RAD51B: variants seen among roughly 807,000 people sequenced by gnomAD.
The protein encoded by RAD51B is DNA repair protein RAD51 homolog 2.
A neutral mutation model predicts 42.2 loss-of-function variants in RAD51B; 38 were observed. The ratio of observed to expected loss-of-function variants is 0.90; its 90% CI spans 0.70 to 1.18. RAD51B has a LOEUF of 1.18. Among genes scored for constraint, RAD51B ranks in the 50% most tolerant of loss-of-function variants. The pLI is 0.00. For missense variants in RAD51B, 373 were observed against 400.7 expected (o/e 0.93, Z 0.59); for synonymous variants, 154 against 145.2 (o/e 1.06, Z -0.43).
chr14:68,569,772 G>T (rs1041039924), intron 10 of RAD51B, among the ~76,000 whole-genome samples: 3 of 152,202 alleles, frequency 2.0e-5, no homozygotes, highest in East Asian at 1.9e-4. Flanking sequence ...CGGGCCTGAA[G>T]CAGCCTGCAT....
intron 8 of RAD51B, among the ~76,000 whole-genome samples, chr14:68,369,225 CT>C (rs1432019061): frequency 6.6e-6 from 1 of 152,220 alleles, no homozygotes; most frequent in Admixed American, 6.5e-5. Flanking sequence ...ATAAAAGTTA[CT>C]TACGGCAAAA....
chr14:67,962,070 A>T (rs1478487232), intron 7 of RAD51B, among the ~76,000 whole-genome samples: 2 of 152,210 alleles, frequency 1.3e-5, no homozygotes, highest in African/African-American at 4.8e-5. Context: ...GAACACCTCT[A>T]TTGCAAAACT....
intron 10 of RAD51B, among the ~76,000 whole-genome samples, chr14:68,529,816 A>G (rs1358491197): frequency 1.3e-5 from 2 of 152,252 alleles, no homozygotes; most frequent in African/African-American, 4.8e-5. Context: ...AAATAATGGA[A>G]CAATCTGACT....
intron 8 of RAD51B, among the ~76,000 whole-genome samples, chr14:68,343,192 A>G (rs1460658415): frequency 1.3e-5 from 2 of 152,196 alleles, no homozygotes; most frequent in African/African-American, 2.4e-5. Flanking sequence ...TACAGTACAT[A>G]ATTATTCACT....
chr14:68,234,469 G>A (rs568028143), intron 7 of RAD51B, among the ~76,000 whole-genome samples: 2 of 152,184 alleles, frequency 1.3e-5, no homozygotes, highest in South Asian at 2.1e-4. Context: ...AAACATCATC[G>A]AGTGCACTTA....
At chr14:68,284,635 A>G (rs2081380148) in intron 7 of RAD51B, among the ~76,000 whole-genome samples, 1 of 152,236 alleles carries the variant, frequency 6.6e-6, no homozygotes, top group African/African-American at 2.4e-5. Context: ...CCAGAAAACA[A>G]TTGTTGTGCA....
chr14:68,213,476 A>C (rs561249958), intron 7 of RAD51B, among the ~76,000 whole-genome samples: 1 of 152,344 alleles, frequency 6.6e-6, no homozygotes, highest in South Asian at 2.1e-4. Flanking sequence ...ACACAGATTA[A>C]TGTAAAGTCC....
intron 7 of RAD51B, among the ~76,000 whole-genome samples, chr14:68,137,301 T>C (rs1380686392): frequency 1.3e-5 from 2 of 152,196 alleles, no homozygotes; most frequent in Non-Finnish European, 2.9e-5. Flanking sequence ...TAGTACAAGC[T>C]GTGTGTAACT....
intron 8 of RAD51B, among the ~76,000 whole-genome samples, chr14:68,351,196 C>T (rs1308183347): frequency 6.6e-6 from 1 of 152,110 alleles, no homozygotes; most frequent in Non-Finnish European, 1.5e-5. Context: ...GAAGGGCAGA[C>T]ATAGGACAGT....
intron 7 of RAD51B, among the ~76,000 whole-genome samples, chr14:68,150,706 A>T (rs181163050): frequency 1.3e-5 from 2 of 152,170 alleles, no homozygotes; most frequent in Non-Finnish European, 2.9e-5. Flanking sequence ...GATTCCATTT[A>T]CCTCTACTAT....
At chr14:68,490,476 A>G (rs1435887340) in intron 10 of RAD51B, among the ~76,000 whole-genome samples, 1 of 152,242 alleles carries the variant, frequency 6.6e-6, no homozygotes, top group Non-Finnish European at 1.5e-5. Context: ...TATGCTAATT[A>G]TAAGTGATTC....
chr14:67,980,124 T>G lies in RAD51B; in HGVS notation c.756+92920T>G, dbSNP rs1426282158. ...TAATTTTATTTCTATTACTGTAGCA[T>G]CTTATGCCAAAAAAAAAATATCGTA... is the stretch of plus-strand genomic sequence containing the variant. On this transcript the variant is annotated intron_variant, in intron 7 of 10. Coordinates refer to ENST00000471583, the MANE Select transcript of RAD51B (RefSeq NM_133510.4). 2.6e-5 allele frequency among the ~76,000 whole-genome samples: 4 copies of G among 151,880 alleles called. No individual in the cohort carries two copies. In the East Asian group the frequency reaches 5.8e-4, roughly 22 times the overall value.
In RAD51B at chr14:68,668,427, C is replaced by G. The variant is rs74340839; in HGVS notation, c.*11+17571C>G. ...CACGCATTCCACTCCACTTCCCGGC[C>G]TCCCCTGCCGTTAGGTGGAGGCCAT... On this transcript the variant is annotated intron_variant, in intron 11 of 11. Coordinates refer to the RAD51B transcript ENST00000488612. Among the ~76,000 whole-genome samples, 1,164 of 152,354 alleles carry G rather than the reference C, an allele frequency of 7.6e-3. 17 individuals carry two copies. Among genetic ancestry groups the G allele is most frequent in the African/African-American group, 0.026 (1,095 of 41,574 alleles).
chr14:68,101,526 G>A (rs2077289240), intron 7 of RAD51B, among the ~76,000 whole-genome samples: 1 of 152,222 alleles, frequency 6.6e-6, no homozygotes, highest in African/African-American at 2.4e-5. Context: ...CCCCATGCAA[G>A]TCCAAAATCC....
chr14:68,422,543 T>C (rs2084732000), intron 9 of RAD51B, among the ~76,000 whole-genome samples: 2 of 114,020 alleles, frequency 1.8e-5, no homozygotes, highest in Admixed American at 2.3e-4. Flanking sequence ...CTGGGTGACA[T>C]GGCGAGTCTC....
At chr14:67,916,471 G>A (rs1282806988) in intron 7 of RAD51B, among the ~76,000 whole-genome samples, 1 of 151,926 alleles carries the variant, frequency 6.6e-6, no homozygotes, top group Non-Finnish European at 1.5e-5. Context: ...CGAACTCCTG[G>A]CCTCAAGTGA....
chr14:68,627,864 C>T (rs1892124648), intron 10 of RAD51B, among the ~76,000 whole-genome samples: 1 of 152,170 alleles, frequency 6.6e-6, no homozygotes, highest in Non-Finnish European at 1.5e-5. Flanking sequence ...GTTCATGACA[C>T]AATGTCATCT....
At chr14:67,985,416 A>C (rs996899705) in intron 7 of RAD51B, among the ~76,000 whole-genome samples, 1 of 152,194 alleles carries the variant, frequency 6.6e-6, no homozygotes, top group Admixed American at 6.5e-5. Flanking sequence ...ACAGTAATTG[A>C]TCAAGTTCAA....
At chr14:67,924,966 A>T (rs1249210402) in intron 7 of RAD51B, among the ~76,000 whole-genome samples, 1 of 152,248 alleles carries the variant, frequency 6.6e-6, no homozygotes, top group Non-Finnish European at 1.5e-5. Flanking sequence ...ATACAGTGGG[A>T]TACAGGCATT....
Sources: gnomAD v4.1 joint callset for allele counts (sites outside exome capture counted in the v4.1 genomes callset) on GRCh38, gnomAD v4.1.1 for gene constraint, MANE v1.5 for transcripts, NCBI Gene and HGNC (gene_info 2026-07-23, HGNC 2026-07-21) for gene names.